The following PMS1 variants were observed in gnomAD, a reference collection of about 807,000 sequenced individuals.
PMS1 encodes the protein PMS1 protein homolog 1.
PMS1 carries 79 observed loss-of-function variants against 93.1 expected under a neutral mutation model. The ratio of observed to expected loss-of-function variants is 0.85; its 90% confidence interval spans 0.71 to 1.02. The LOEUF is 1.02. PMS1 is among the 50% of genes least tolerant of loss of function. The pLI is 0.00. For synonymous variants in PMS1, 335 were observed against 363.4 expected (o/e 0.92, Z 0.89); for missense variants, 1,064 against 1,085.3 (o/e 0.98, Z 0.28).
intron 5 of PMS1, among the ~76,000 whole-genome samples, chr2:189,828,290 GTA>G (rs1183451738): frequency 6.6e-6 from 1 of 152,100 alleles, no homozygotes; most frequent in Non-Finnish European, 1.5e-5. Flanking sequence ...AGTGTATTGT[GTA>G]TTTCAAGATA....
chr2:189,785,722 G>C (rs1262199623), intron 1 of PMS1, among the ~76,000 whole-genome samples: 2 of 6,972 alleles, frequency 2.9e-4, no homozygotes, highest in Non-Finnish European at 1.8e-3. Context: ...GCTGCAGCAG[G>C]GAAGAAAGGC....
At chr2:189,799,063 T>G (rs2049634254) in intron 3 of PMS1, among the ~76,000 whole-genome samples, 1 of 152,200 alleles carries the variant, frequency 6.6e-6, no homozygotes, top group African/African-American at 2.4e-5. Flanking sequence ...GTTTCCTTAT[T>G]TGATTACTTA....
chr2:189,872,164 T>G (rs2057207474), intron 11 of PMS1, among the ~76,000 whole-genome samples: 1 of 152,176 alleles, frequency 6.6e-6, no homozygotes. Flanking sequence ...CTCACTTCAT[T>G]GAACTCTGTA....
chr2:189,867,360 G>A (rs1355823317), intron 10 of PMS1, among the ~76,000 whole-genome samples: 1 of 152,112 alleles, frequency 6.6e-6, no homozygotes, highest in African/African-American at 2.4e-5. Context: ...GCTCTAAATT[G>A]ATTAATTTAT....
chr2:189,817,937 A>G, intron 4 of PMS1, 80 bp from the exon 5 acceptor site: 2 of 1,065,452 alleles, frequency 1.9e-6, no homozygotes, highest in Admixed American at 3.6e-5. Context: ...AGAAGGGGTT[A>G]ATTACAAATT....
chr2:189,826,627 T>A (rs115487410), intron 5 of PMS1, among the ~76,000 whole-genome samples: 20 of 152,240 alleles, frequency 1.3e-4, no homozygotes, highest in African/African-American at 4.1e-4. Context: ...CTATTAGGAG[T>A]CTCTGAAGTC....
chr2:189,851,972 C>G (rs187206760), intron 6 of PMS1, among the ~76,000 whole-genome samples: 1 of 152,172 alleles, frequency 6.6e-6, no homozygotes, highest in African/African-American at 2.4e-5. Context: ...ATATCTTTCT[C>G]TTCTCTCTGG....
chr2:189,873,465 T>A, intron 11 of PMS1, 31 bp from the exon 12 acceptor site: 2 of 1,472,162 alleles, frequency 1.4e-6, no homozygotes, highest in Non-Finnish European at 1.9e-6. Flanking sequence ...AATATGAACT[T>A]AACTATGTGT....
chr2:189,844,042 A>G lies in PMS1; in HGVS notation c.661A>G (p.Asn221Asp). 6 of 1,614,006 alleles carry G rather than the reference A, an allele frequency of 3.7e-6. No individual in the cohort carries two copies. The highest frequency in any genetic ancestry group is 1.3e-5 in the African/African-American group (1 of 75,056). The change falls in exon 6 of 13, where the codon AAT becomes GAT. Residue 221 changes from asparagine (N) to aspartate (D), a missense_variant. By Grantham distance (23) the Asn-to-Asp change is conservative. Transcript: ENST00000441310. Reference protein sequence around the residue: ...MSVLGTAVMNNMESFQYHSEE... With the variant: ...MSVLGTAVMNDMESFQYHSEE... The stretch of plus-strand genomic sequence containing the variant: ...AGTTCTGGGGACTGCTGTTATGAAC[A>G]ATATGGAATCCTTTCAGTACCACTC...
intron 4 of PMS1, among the ~76,000 whole-genome samples, chr2:189,812,200 G>T (rs1196121475): frequency 6.6e-6 from 1 of 152,020 alleles, no homozygotes; most frequent in Non-Finnish European, 1.5e-5. Context: ...ACTCGGGAGG[G>T]TGAGGCAGGA....
chr2:189,840,641 A>T (rs2053746689), intron 5 of PMS1, among the ~76,000 whole-genome samples: 1 of 152,212 alleles, frequency 6.6e-6, no homozygotes, highest in Non-Finnish European at 1.5e-5. Context: ...TTATGATACT[A>T]ATTATTGCAT....
At chr2:189,817,675 A>G (rs5743041) in intron 4 of PMS1, among the ~76,000 whole-genome samples, 3,779 of 152,292 alleles carry the variant, frequency 0.025, 182 homozygotes, top group African/African-American at 0.087. Flanking sequence ...TATAAATTAT[A>G]TTTTAAAGTC....
chr2:189,854,125 A>G (rs527823304), intron 8 of PMS1, 43 bp downstream of exon 8: 6 of 1,430,890 alleles, frequency 4.2e-6, no homozygotes, highest in African/African-American at 1.4e-5. Flanking sequence ...ATTTATAAAC[A>G]TATATTACTG....
At chr2:189,810,022 A>T (rs1169866728) in intron 4 of PMS1, among the ~76,000 whole-genome samples, 1 of 152,172 alleles carries the variant, frequency 6.6e-6, no homozygotes, top group African/African-American at 2.4e-5. Context: ...TTCTGTCTAG[A>T]GCTACAGTGC....
At chr2:189,792,555 A>G (rs1259932872) in intron 2 of PMS1, among the ~76,000 whole-genome samples, 2 of 151,608 alleles carry the variant, frequency 1.3e-5, no homozygotes, top group Non-Finnish European at 2.9e-5. Context: ...ATTATCAGAT[A>G]TTTATGCTAT....
chr2:189,844,653 A>AC, intron 6 of PMS1, among the ~76,000 whole-genome samples: 1 of 151,154 alleles, frequency 6.6e-6, no homozygotes, highest in Admixed American at 6.6e-5. Flanking sequence ...CAAAAAAAAA[A>AC]AAAAAAAAAA....
At chr2:189,793,799 T>A (rs1373187976) in intron 2 of PMS1, among the ~76,000 whole-genome samples, 1 of 152,238 alleles carries the variant, frequency 6.6e-6, no homozygotes, top group East Asian at 1.9e-4. Flanking sequence ...ATATACACCT[T>A]AAATGTGTGG....
chr2:189,871,436 G>C (rs146463822), intron 11 of PMS1, among the ~76,000 whole-genome samples: 14 of 152,318 alleles, frequency 9.2e-5, no homozygotes, highest in African/African-American at 3.4e-4. Context: ...AGACAAGCTT[G>C]CCCTGCGGCA....
Position 189,852,703 on chromosome 2 carries a change from A to G in PMS1, c.748A>G (p.Thr250Ala). The part of the protein sequence containing the change: ...LPKCDADHSF[T>A]SLSTPERSFI... ...AAAGTGTGATGCAGACCACTCTTTC[A>G]CTAGTCTTTCAACACCAGAAAGAAG... Residue 250 changes from threonine (T) to alanine (A), a missense_variant, in exon 7 of 13, where the codon ACT becomes GCT. Transcript: ENST00000441310. The G allele has an allele frequency of 6.3e-7, 1 of 1,591,836 alleles. No individual in the cohort carries two copies. The highest frequency in any genetic ancestry group is 8.6e-7 in the Non-Finnish European group (1 of 1,159,908).
Sources: gnomAD v4.1 joint callset for allele counts (sites outside exome capture counted in the v4.1 genomes callset) on GRCh38, gnomAD v4.1.1 for gene constraint, MANE v1.5 for transcripts, NCBI Gene and HGNC (gene_info 2026-07-23, HGNC 2026-07-21) for gene names.